The following NBAS variants were observed in gnomAD, a reference collection of about 807,000 sequenced individuals.
The protein encoded by NBAS is NBAS subunit of NRZ tethering complex, also known as NAG/BC035112 fusion.
Under a neutral mutation model 302.5 loss-of-function variants are expected in NBAS, and 219 were observed. The ratio of observed to expected loss-of-function variants is 0.72; its 90% CI spans 0.65 to 0.81. The LOEUF (loss-of-function observed/expected upper bound fraction) is 0.81. Ranked by LOEUF, NBAS falls within the 30% of genes least tolerant of loss-of-function variation. The probability of loss-of-function intolerance (pLI) is 0.00; values close to 1 mark genes in which losing one functional copy is unlikely to be tolerated. For missense variants in NBAS, 2,932 were observed against 2,841.6 expected (o/e 1.03, Z -0.72); for synonymous variants, 1,118 against 1,021.6 (o/e 1.09, Z -1.80).
At chr2:15,414,493 C>A (rs1289439059) in intron 25 of NBAS, among the ~76,000 whole-genome samples, 3 of 152,170 alleles carry the variant, frequency 2.0e-5, no homozygotes, top group Non-Finnish European at 2.9e-5. Context: ...TATATTTGAT[C>A]TATGGCTAAA....
intron 21 of NBAS, among the ~76,000 whole-genome samples, chr2:15,437,642 G>A (rs1395267832): frequency 6.6e-6 from 1 of 152,168 alleles, no homozygotes; most frequent in Non-Finnish European, 1.5e-5. Flanking sequence ...GAGTTAGGTA[G>A]AGAAGGGAAA....
chr2:15,383,404 A>AC, intron 28 of NBAS, 87 bp from the exon 29 acceptor site: 1 of 1,134,574 alleles, frequency 8.8e-7, no homozygotes, highest in Non-Finnish European at 1.3e-6. Context: ...TAAAAAAACA[A>AC]AAACTGGTAC....
the NBAS span, among the ~76,000 whole-genome samples, chr2:15,076,444 A>G: frequency 6.6e-6 from 1 of 152,148 alleles, no homozygotes; most frequent in African/African-American, 2.4e-5. Flanking sequence ...TATAAGGGAA[A>G]TCCGCCTATA....
chr2:15,498,213 T>C (rs777176172), intron 11 of NBAS, among the ~76,000 whole-genome samples: 36 of 152,344 alleles, frequency 2.4e-4, no homozygotes, highest in African/African-American at 7.7e-4. Context: ...GGCAGCAATG[T>C]AGTATCAAAC....
intron 38 of NBAS, among the ~76,000 whole-genome samples, chr2:15,321,875 C>T (rs760306092): frequency 1.3e-5 from 2 of 152,132 alleles, no homozygotes; most frequent in African/African-American, 2.4e-5. Context: ...TTTGACCCAG[C>T]GATCCCATTA....
intron 21 of NBAS, among the ~76,000 whole-genome samples, chr2:15,440,737 C>A (rs899295020): frequency 1.3e-5 from 2 of 152,006 alleles, no homozygotes; most frequent in African/African-American, 4.8e-5. Context: ...AAACCAAAGG[C>A]AAAGAATTTG....
chr2:15,227,765 G>A (rs556048363), intron 47 of NBAS, among the ~76,000 whole-genome samples: 1 of 152,240 alleles, frequency 6.6e-6, no homozygotes, highest in African/African-American at 2.4e-5. Flanking sequence ...ATGGTGCTGA[G>A]AAAATTAGAT....
intron 22 of NBAS, 71 bp from the exon 23 acceptor site, chr2:15,424,539 A>T: frequency 6.5e-7 from 1 of 1,543,854 alleles, no homozygotes. Context: ...TGTGAGAGAA[A>T]GACAGGGACA....
At chr2:14,962,925 C>T in the NBAS span, among the ~76,000 whole-genome samples, 1 of 151,766 alleles carries the variant, frequency 6.6e-6, no homozygotes, top group Admixed American at 6.6e-5. Flanking sequence ...CAGGCAACCC[C>T]TCCCACAAAA....
intron 21 of NBAS, among the ~76,000 whole-genome samples, chr2:15,443,538 C>A (rs2148520008): frequency 6.6e-6 from 1 of 151,440 alleles, no homozygotes; most frequent in African/African-American, 2.4e-5. Flanking sequence ...AAACCCACAG[C>A]CAATATCATA....
chr2:15,116,482 A>G, the NBAS span, among the ~76,000 whole-genome samples: 48,363 of 113,940 alleles, frequency 0.42, 8,039 homozygotes, highest in South Asian at 0.56. Context: ...CATCAACCCT[A>G]TCGGATTAGG....
chr2:15,161,911 G>A, the NBAS span, among the ~76,000 whole-genome samples: 1 of 152,152 alleles, frequency 6.6e-6, no homozygotes, highest in Non-Finnish European at 1.5e-5. Context: ...GTCACCTTAG[G>A]ATTTTAGAGT....
At chr2:14,851,257 G>A in the NBAS span, among the ~76,000 whole-genome samples, 33 of 142,576 alleles carry the variant, frequency 2.3e-4, no homozygotes, top group Admixed American at 6.1e-4. Flanking sequence ...TATCACCACC[G>A]ATCCCACAGA....
intron 21 of NBAS, among the ~76,000 whole-genome samples, chr2:15,447,147 T>G (rs1054661294): frequency 1.3e-5 from 2 of 152,152 alleles, no homozygotes; most frequent in African/African-American, 4.8e-5. Context: ...GTTTAAAACA[T>G]CAGCTTTACG....
At chr2:15,543,151 T>C (rs572320104) in intron 6 of NBAS, among the ~76,000 whole-genome samples, 38 of 152,310 alleles carry the variant, frequency 2.5e-4, no homozygotes, top group Admixed American at 5.9e-4. Flanking sequence ...AACTGACACA[T>C]GCATGGTGAA....
intron 44 of NBAS, among the ~76,000 whole-genome samples, chr2:15,254,416 G>T (rs1175677896): frequency 6.6e-6 from 1 of 152,184 alleles, no homozygotes; most frequent in Non-Finnish European, 1.5e-5. Context: ...CAAAGCTGGG[G>T]TCTCCGTTTG....
rs1553328589 is a variant in NBAS, at chr2:15,508,641, A to AGGTG, written c.885+2570_885+2571insCACC. Among the ~76,000 whole-genome samples the AGGTG allele has an allele frequency of 1.1e-4, 16 of 151,656 alleles. No individual in the cohort carries two copies. In the South Asian group the frequency reaches 3.1e-3, roughly 30 times the overall value. The stretch of plus-strand genomic sequence containing the variant: ...ATTTTGTCACATTTGCTTTATCTCT[A>AGGTG]TGTGTGTGTCTATGTATACAGACAC... On this transcript the variant is annotated intron_variant, in intron 10 of 51. Transcript: ENST00000281513.
At chr2:15,383,373 T>G in intron 28 of NBAS, 56 bp from the exon 29 acceptor site, 2 of 1,524,030 alleles carry the variant, frequency 1.3e-6, no homozygotes, top group Non-Finnish European at 1.8e-6. Flanking sequence ...TTAAAATCTC[T>G]TTCTTCAAAT....
At chr2:14,787,970 AG>A in the NBAS span, among the ~76,000 whole-genome samples, 2 of 152,162 alleles carry the variant, frequency 1.3e-5, no homozygotes, top group East Asian at 3.9e-4. Flanking sequence ...AATCAGACAT[AG>A]ATTTGGTCTT....
Sources: allele counts gnomAD v4.1 joint callset (sites outside exome capture counted in the v4.1 genomes callset), GRCh38; gene constraint gnomAD v4.1.1; transcripts MANE v1.5; gene names NCBI Gene and HGNC (gene_info 2026-07-23, HGNC 2026-07-21).